CACNA2D3: variants seen among roughly 807,000 people sequenced by gnomAD.
CACNA2D3 encodes the protein calcium voltage-gated channel auxiliary subunit alpha2delta 3, also known as voltage-dependent calcium channel subunit alpha-2/delta-3.
CACNA2D3 carries 60 observed loss-of-function variants against 160.6 expected under a neutral mutation model. That is an observed-to-expected ratio of 0.37 (90% CI 0.30 to 0.46). CACNA2D3 has a LOEUF of 0.46. Ranked by LOEUF, CACNA2D3 falls within the 20% of genes least tolerant of loss-of-function variation. CACNA2D3 has a pLI of 1.00. For synonymous variants in CACNA2D3, 558 were observed against 492.9 expected, an observed-to-expected ratio of 1.13 and a Z score of -1.75; for missense variants, 1,205 against 1,365.0, an observed-to-expected ratio of 0.88 and a Z score of 1.85.
At chr3:54,203,927 A>AAAGC (rs1309629601) in intron 2 of CACNA2D3, among the ~76,000 whole-genome samples, 1 of 151,828 alleles carries the variant, frequency 6.6e-6, no homozygotes, top group African/African-American at 2.4e-5. Flanking sequence ...TTTGGGCGCG[A>AAAGC]AAGCAAGAGT....
At chr3:54,239,125 T>G (rs1701933303) in intron 2 of CACNA2D3, among the ~76,000 whole-genome samples, 1 of 152,186 alleles carries the variant, frequency 6.6e-6, no homozygotes, top group Admixed American at 6.5e-5. Context: ...CAAAAGGCAG[T>G]ATTGTACAGT....
At chr3:54,776,309 T>A (rs1702423380) in intron 13 of CACNA2D3, among the ~76,000 whole-genome samples, 1 of 151,470 alleles carries the variant, frequency 6.6e-6, no homozygotes, top group South Asian at 2.1e-4. Flanking sequence ...AGCCTAGGAG[T>A]TGGAGATGGG....
intron 11 of CACNA2D3, among the ~76,000 whole-genome samples, chr3:54,744,755 G>A (rs1383072594): frequency 6.6e-6 from 1 of 152,200 alleles, no homozygotes; most frequent in South Asian, 2.1e-4. Flanking sequence ...TTTCACTGCA[G>A]CAAGTTATCT....
intron 35 of CACNA2D3, among the ~76,000 whole-genome samples, chr3:55,038,939 TG>T (rs1295328347): frequency 7.0e-6 from 1 of 142,324 alleles, no homozygotes; most frequent in Non-Finnish European, 1.5e-5. Flanking sequence ...ATTAACCTAT[TG>T]GTGTGATTAT....
intron 2 of CACNA2D3, among the ~76,000 whole-genome samples, chr3:54,240,612 T>C (rs145326785): frequency 1.1e-4 from 16 of 152,328 alleles, no homozygotes; most frequent in African/African-American, 2.2e-4. Flanking sequence ...ATTTGACTTA[T>C]CTGTTTTATG....
At chr3:54,310,405 C>T (rs1703710855) in intron 2 of CACNA2D3, among the ~76,000 whole-genome samples, 4 of 152,214 alleles carry the variant, frequency 2.6e-5, no homozygotes, top group Non-Finnish European at 2.9e-5. Flanking sequence ...GAAAACGACG[C>T]TGTCTGTAAG....
intron 14 of CACNA2D3, among the ~76,000 whole-genome samples, chr3:54,822,832 T>TTTCTTTTCTTTCTTTCTTTC (rs1553874401): frequency 5.2e-5 from 3 of 58,024 alleles, no homozygotes; most frequent in African/African-American, 8.7e-5. Context: ...TCTTTCTTTC[T>TTTCTTTTCTTTCTTTCTTTC]TTTCTTTCTT....
intron 9 of CACNA2D3, among the ~76,000 whole-genome samples, chr3:54,609,402 T>C (rs758214888): frequency 2.6e-5 from 4 of 152,188 alleles, no homozygotes; most frequent in Non-Finnish European, 4.4e-5. Context: ...AGAGGGAAAC[T>C]CAGATAGACT....
intron 11 of CACNA2D3, among the ~76,000 whole-genome samples, chr3:54,738,897 A>G (rs1231649571): frequency 6.6e-6 from 1 of 152,036 alleles, no homozygotes; most frequent in African/African-American, 2.4e-5. Context: ...TACATGTGCA[A>G]TCCCAATACT....
At chr3:54,431,537 CT>C (rs1699990676) in intron 4 of CACNA2D3, among the ~76,000 whole-genome samples, 1 of 152,070 alleles carries the variant, frequency 6.6e-6, no homozygotes, top group Non-Finnish European at 1.5e-5. Flanking sequence ...AGTGGACCTG[CT>C]CAGTTCAAAC....
intron 14 of CACNA2D3, among the ~76,000 whole-genome samples, chr3:54,823,756 TACAA>T (rs1029978194): frequency 6.6e-6 from 1 of 152,220 alleles, no homozygotes; most frequent in African/African-American, 2.4e-5. Flanking sequence ...TGCGTGTGTG[TACAA>T]ACAGATGTAC....
At chr3:54,774,115 T>G (rs1197029148) in intron 13 of CACNA2D3, among the ~76,000 whole-genome samples, 1 of 152,142 alleles carries the variant, frequency 6.6e-6, no homozygotes, top group Non-Finnish European at 1.5e-5. Context: ...GTGGGAATGG[T>G]CAAAAAGGCA....
chr3:54,924,518 C>G (rs574101294), intron 27 of CACNA2D3: 3 of 978,406 alleles, frequency 3.1e-6, no homozygotes, highest in Non-Finnish European at 4.6e-6. Context: ...CAAATCCACC[C>G]CTTACACACT....
At chr3:54,876,741 A>G in intron 18 of CACNA2D3, among the ~76,000 whole-genome samples, 1 of 152,206 alleles carries the variant, frequency 6.6e-6, no homozygotes, top group East Asian at 1.9e-4. Context: ...GCACCTCAGA[A>G]GATAAGTTTG....
At chr3:54,195,477 G>C (rs1701061653) in intron 2 of CACNA2D3, among the ~76,000 whole-genome samples, 1 of 152,164 alleles carries the variant, frequency 6.6e-6, no homozygotes, top group Admixed American at 6.5e-5. Context: ...ATTTATTGAA[G>C]GTGTAGGTGT....
chr3:54,940,335 C>T (rs1701435110), intron 27 of CACNA2D3, among the ~76,000 whole-genome samples: 1 of 152,206 alleles, frequency 6.6e-6, no homozygotes, highest in Non-Finnish European at 1.5e-5. Flanking sequence ...AAAATATATT[C>T]AACTTCCCTG....
chr3:54,517,153 T>G (rs1386707032), intron 5 of CACNA2D3, among the ~76,000 whole-genome samples: 2 of 152,220 alleles, frequency 1.3e-5, no homozygotes, highest in Admixed American at 6.5e-5. Context: ...AGGTTAGTTA[T>G]TTCTTCAAGT....
At chr3:54,660,114 G>T (rs1699940849) in intron 11 of CACNA2D3, among the ~76,000 whole-genome samples, 1 of 150,774 alleles carries the variant, frequency 6.6e-6, no homozygotes, top group African/African-American at 2.4e-5. Context: ...ATGTCATTGG[G>T]TCCTCATCAG....
At chr3:54,239,977 T>G (rs997328252) in intron 2 of CACNA2D3, among the ~76,000 whole-genome samples, 1 of 152,204 alleles carries the variant, frequency 6.6e-6, no homozygotes, top group Non-Finnish European at 1.5e-5. Flanking sequence ...TAATAATCAC[T>G]GCAAACGACA....
Sources: gnomAD v4.1 joint callset for allele counts (sites outside exome capture counted in the v4.1 genomes callset) on GRCh38, gnomAD v4.1.1 for gene constraint, MANE v1.5 for transcripts, NCBI Gene and HGNC (gene_info 2026-07-23, HGNC 2026-07-21) for gene names.